HIVEP2: variants seen among roughly 807,000 people sequenced by gnomAD.
HIVEP2 encodes the protein transcription factor HIVEP2.
In HIVEP2, 14 loss-of-function variants were observed where a neutral mutation model predicts 180.7. The ratio of observed to expected loss-of-function variants is 0.08; its 90% CI spans 0.05 to 0.12. HIVEP2 has a LOEUF of 0.12. HIVEP2 is among the 10% of genes least tolerant of loss of function. HIVEP2 has a pLI of 1.00. For missense variants in HIVEP2, 2,579 were observed against 3,008.5 expected (o/e 0.86, Z 3.34); for synonymous variants, 1,184 against 1,136.4 (o/e 1.04, Z -0.84).
intron 3 of HIVEP2, among the ~76,000 whole-genome samples, chr6:142,779,803 A>G (rs927356973): frequency 4.6e-5 from 7 of 152,210 alleles, no homozygotes; most frequent in Non-Finnish European, 7.3e-5. Context: ...ATAAAATAAT[A>G]AAACCATTCT....
At chr6:142,862,961 G>T (rs1345450814) in intron 1 of HIVEP2, among the ~76,000 whole-genome samples, 1 of 127,980 alleles carries the variant, frequency 7.8e-6, no homozygotes, top group Non-Finnish European at 1.6e-5. Flanking sequence ...TATATATTGT[G>T]TACTATATTA....
At chr6:142,809,978 T>C (rs1776649958) in intron 2 of HIVEP2, among the ~76,000 whole-genome samples, 1 of 152,222 alleles carries the variant, frequency 6.6e-6, no homozygotes, top group African/African-American at 2.4e-5. Context: ...CTTAGGGTCA[T>C]AGGACATAGG....
chr6:142,919,751 TTTA>T (rs1319350052), intron 1 of HIVEP2, among the ~76,000 whole-genome samples: 3 of 152,156 alleles, frequency 2.0e-5, no homozygotes, highest in African/African-American at 7.2e-5. Flanking sequence ...TACTGATAAG[TTTA>T]TTGAGTTAAA....
chr6:142,754,348 G>T (rs1582825579), intron 9 of HIVEP2, among the ~76,000 whole-genome samples: 1 of 151,246 alleles, frequency 6.6e-6, no homozygotes, highest in East Asian at 1.9e-4. Context: ...GAAATAAAAA[G>T]ATTACCATCT....
intron 1 of HIVEP2, among the ~76,000 whole-genome samples, chr6:142,887,215 T>C (rs1776720636): frequency 6.6e-6 from 1 of 152,102 alleles, no homozygotes; most frequent in African/African-American, 2.4e-5. Context: ...AAGGTTTCAT[T>C]ATGCATTTTT....
intron 1 of HIVEP2, among the ~76,000 whole-genome samples, chr6:142,866,646 A>C (rs1027491044): frequency 6.6e-6 from 1 of 152,186 alleles, no homozygotes; most frequent in Non-Finnish European, 1.5e-5. Context: ...ATTCCAAAAG[A>C]AATAGGTACT....
chr6:142,823,954 T>A (rs1777111510), intron 2 of HIVEP2, among the ~76,000 whole-genome samples: 1 of 152,232 alleles, frequency 6.6e-6, no homozygotes, highest in South Asian at 2.1e-4. Context: ...CTTTCAGTTT[T>A]AACATGTGAT....
chr6:142,800,523 A>AT (rs1427763578), intron 2 of HIVEP2, among the ~76,000 whole-genome samples: 2 of 152,148 alleles, frequency 1.3e-5, no homozygotes, highest in African/African-American at 4.8e-5. Context: ...TCACAAGTAA[A>AT]TTTATAAAAG....
chr6:142,881,967 G>A (rs890453870), intron 1 of HIVEP2, among the ~76,000 whole-genome samples: 3 of 152,158 alleles, frequency 2.0e-5, no homozygotes, highest in Admixed American at 1.3e-4. Flanking sequence ...CACAGTTAAA[G>A]CTGTAAACAC....
At chr6:142,796,474 G>A (rs1012817179) in intron 2 of HIVEP2, among the ~76,000 whole-genome samples, 2 of 152,108 alleles carry the variant, frequency 1.3e-5, no homozygotes, top group Non-Finnish European at 2.9e-5. Flanking sequence ...TAGAAAAAAT[G>A]TTATTAAGAA....
At chr6:142,905,340 C>A (rs1039119220) in intron 1 of HIVEP2, among the ~76,000 whole-genome samples, 25 of 152,204 alleles carry the variant, frequency 1.6e-4, no homozygotes, top group Admixed American at 1.3e-3. Flanking sequence ...AAGATCTGAG[C>A]CTCAGAAAAA....
intron 2 of HIVEP2, among the ~76,000 whole-genome samples, chr6:142,825,352 C>T (rs903727088): frequency 3.9e-5 from 6 of 151,912 alleles, no homozygotes; most frequent in Non-Finnish European, 7.4e-5. Context: ...AGTGGTGAAA[C>T]AGTGAAGGGT....
Position 142,784,995 on chromosome 6 carries a change from C to T in HIVEP2, c.-527-1380G>A, listed in dbSNP as rs539627450. On this transcript the variant is annotated intron_variant, in intron 2 of 9. Coordinates refer to ENST00000367603, the MANE Select transcript of HIVEP2 (RefSeq NM_006734.4). ...CTCTGCCTCCCGGGTTCACGCCATT[C>T]TCCTGCCTCAGCCTCCCAAGTAGCT... is the stretch of plus-strand genomic sequence containing the variant. Among the ~76,000 whole-genome samples the T allele has an allele frequency of 5.3e-5, 8 of 152,184 alleles. No individual in the cohort carries two copies. The South Asian group carries it at 1.2e-3, about 24-fold the overall frequency.
chr6:142,802,906 A>T (rs755520599), intron 2 of HIVEP2, among the ~76,000 whole-genome samples: 2 of 152,204 alleles, frequency 1.3e-5, no homozygotes, highest in Non-Finnish European at 2.9e-5. Flanking sequence ...TTTACAACAT[A>T]AAATTCTGAT....
At chr6:142,872,524 A>G (rs573789460) in intron 1 of HIVEP2, among the ~76,000 whole-genome samples, 1 of 152,202 alleles carries the variant, frequency 6.6e-6, no homozygotes, top group Non-Finnish European at 1.5e-5. Context: ...GTTGGAGCAA[A>G]CCATACTATT....
intron 1 of HIVEP2, among the ~76,000 whole-genome samples, chr6:142,903,982 T>G (rs1040130247): frequency 3.3e-5 from 5 of 152,150 alleles, no homozygotes; most frequent in African/African-American, 1.2e-4. Context: ...TTGCACTATA[T>G]ACACAGAGAT....
At chr6:142,891,232 G>T (rs530311947) in intron 1 of HIVEP2, among the ~76,000 whole-genome samples, 53 of 152,122 alleles carry the variant, frequency 3.5e-4, no homozygotes, top group African/African-American at 1.2e-3. Flanking sequence ...AAAACCATCA[G>T]ATTAATAACT....
At chr6:142,901,876 C>T (rs191899188) in intron 1 of HIVEP2, among the ~76,000 whole-genome samples, 31 of 152,072 alleles carry the variant, frequency 2.0e-4, no homozygotes, top group Admixed American at 3.3e-4. Context: ...TGCAAACATG[C>T]GGAGGAGGAA....
chr6:142,846,032 T>A (rs1250558574), intron 1 of HIVEP2, among the ~76,000 whole-genome samples: 1 of 152,204 alleles, frequency 6.6e-6, no homozygotes, highest in African/African-American at 2.4e-5. Context: ...GCATCCAGTG[T>A]GAGCGAAGTC....
Sources: allele counts gnomAD v4.1 joint callset (sites outside exome capture counted in the v4.1 genomes callset), GRCh38; gene constraint gnomAD v4.1.1; transcripts MANE v1.5; gene names NCBI Gene and HGNC (gene_info 2026-07-23, HGNC 2026-07-21).